NBAS: variants seen among roughly 807,000 people sequenced by gnomAD.
NBAS encodes NBAS subunit of NRZ tethering complex.
A neutral mutation model predicts 302.5 loss-of-function variants in NBAS; 219 were observed. The observed-to-expected ratio is 0.72, with a 90% CI of 0.65 to 0.81. The LOEUF is 0.81. Ranked by LOEUF, NBAS falls within the 30% of genes least tolerant of loss-of-function variation. The probability of loss-of-function intolerance (pLI) is 0.00; values close to 1 mark genes in which losing one functional copy is unlikely to be tolerated. For synonymous variants in NBAS, 1,118 were observed against 1,021.6 expected (o/e 1.09, Z -1.80); for missense variants, 2,932 against 2,841.6 (o/e 1.03, Z -0.72).
intron 44 of NBAS, among the ~76,000 whole-genome samples, chr2:15,268,003 A>G (rs1373130369): frequency 6.6e-6 from 1 of 152,212 alleles, no homozygotes; most frequent in East Asian, 1.9e-4. Flanking sequence ...ATGTACTATT[A>G]TAGTGCATAA....
the NBAS span, among the ~76,000 whole-genome samples, chr2:15,073,285 C>T: frequency 1.3e-5 from 2 of 151,922 alleles, no homozygotes; most frequent in Admixed American, 1.3e-4. Context: ...TTGAGACCAG[C>T]CTGGCCAACA....
intron 22 of NBAS, among the ~76,000 whole-genome samples, chr2:15,425,261 T>C (rs1338807096): frequency 2.0e-5 from 3 of 152,194 alleles, no homozygotes; most frequent in African/African-American, 7.2e-5. Flanking sequence ...TGGCAGTACA[T>C]GACTGGTGCT....
chr2:14,964,157 A>C, the NBAS span, among the ~76,000 whole-genome samples: 1 of 152,244 alleles, frequency 6.6e-6, no homozygotes, highest in Non-Finnish European at 1.5e-5. Flanking sequence ...GCTACCAGGC[A>C]TGCAAAGCAG....
the NBAS span, among the ~76,000 whole-genome samples, chr2:15,098,489 TATATA>T: frequency 8.5e-6 from 1 of 116,964 alleles, no homozygotes; most frequent in Non-Finnish European, 1.6e-5. Context: ...TTATATATTG[TATATA>T]ATATGTTATA....
intron 9 of NBAS, among the ~76,000 whole-genome samples, chr2:15,517,230 A>G (rs947933535): frequency 3.9e-5 from 6 of 152,192 alleles, no homozygotes; most frequent in Admixed American, 6.5e-5. Context: ...TTTGTTGTAC[A>G]GATTATTTCT....
intron 26 of NBAS, 88 bp from the exon 27 acceptor site, chr2:15,396,563 A>G: frequency 2.3e-6 from 2 of 881,538 alleles, no homozygotes; most frequent in Non-Finnish European, 3.5e-6. Context: ...AGTGAAAAAA[A>G]GATGTTTCTT....
At chr2:15,049,399 C>T in the NBAS span, among the ~76,000 whole-genome samples, 3 of 152,214 alleles carry the variant, frequency 2.0e-5, no homozygotes, top group Admixed American at 6.5e-5. Context: ...GGCTTGTGCC[C>T]ACCTCCTGCA....
the NBAS span, among the ~76,000 whole-genome samples, chr2:15,004,482 C>T: frequency 3.3e-5 from 5 of 152,062 alleles, no homozygotes; most frequent in Non-Finnish European, 7.4e-5. Context: ...TTATTACCTG[C>T]CAAACGGTGA....
chr2:15,299,295 G>C (rs1309311822), intron 40 of NBAS, among the ~76,000 whole-genome samples: 1 of 152,176 alleles, frequency 6.6e-6, no homozygotes, highest in African/African-American at 2.4e-5. Flanking sequence ...CAGTTCTTCA[G>C]GGAGGTGAAT....
At chr2:14,872,955 T>A in the NBAS span, among the ~76,000 whole-genome samples, 2 of 152,176 alleles carry the variant, frequency 1.3e-5, no homozygotes, top group African/African-American at 4.8e-5. Context: ...GTGTTGCAGC[T>A]CATACAGGCA....
intron 29 of NBAS, among the ~76,000 whole-genome samples, chr2:15,380,230 TTTTC>T (rs1222476331): frequency 6.6e-6 from 1 of 152,184 alleles, no homozygotes; most frequent in African/African-American, 2.4e-5. Context: ...ATTTCTGTTT[TTTTC>T]TTTTTCCTAA....
chr2:14,788,960 G>A, the NBAS span, among the ~76,000 whole-genome samples: 10 of 151,308 alleles, frequency 6.6e-5, no homozygotes, highest in East Asian at 1.9e-4. Context: ...GCAGGCAGGC[G>A]TCCTTGAGCT....
At chr2:14,858,506 TATGTCTCTTGA>T in the NBAS span, among the ~76,000 whole-genome samples, 1 of 152,070 alleles carries the variant, frequency 6.6e-6, no homozygotes, top group Admixed American at 6.5e-5. Flanking sequence ...CTGTCACTTT[TATGTCTCTTGA>T]ATGGAACTGG....
the NBAS span, among the ~76,000 whole-genome samples, chr2:15,134,462 TTCTC>T: frequency 2.0e-4 from 30 of 151,872 alleles, no homozygotes; most frequent in African/African-American, 7.3e-4. Context: ...CTCTCTCTCT[TTCTC>T]TCTCTGTCTC....
intron 36 of NBAS, among the ~76,000 whole-genome samples, chr2:15,329,282 G>A (rs145555758): frequency 6.6e-6 from 1 of 152,128 alleles, no homozygotes; most frequent in East Asian, 1.9e-4. Flanking sequence ...CTCACTAAAC[G>A]GCATCTTCAT....
chr2:15,491,807 T>C (rs546263760), intron 11 of NBAS, among the ~76,000 whole-genome samples: 2 of 152,292 alleles, frequency 1.3e-5, no homozygotes, highest in South Asian at 2.1e-4. Flanking sequence ...CATTTCCTTA[T>C]GAAAGCTCCC....
chr2:15,002,875 C>T, the NBAS span, among the ~76,000 whole-genome samples: 1 of 152,260 alleles, frequency 6.6e-6, no homozygotes, highest in South Asian at 2.1e-4. Flanking sequence ...CCAGCTGGCC[C>T]ACAAGCGCCA....
chr2:15,192,230 G>A (rs1381661744), intron 48 of NBAS, among the ~76,000 whole-genome samples: 1 of 146,842 alleles, frequency 6.8e-6, no homozygotes. Context: ...TGAAAGAAGA[G>A]GCTATTTTTT....
At chr2:15,065,751 A>G in the NBAS span, among the ~76,000 whole-genome samples, 1 of 152,124 alleles carries the variant, frequency 6.6e-6, no homozygotes, top group Non-Finnish European at 1.5e-5. Context: ...AAGTATACAA[A>G]TAAATGGAAA....
Sources: gnomAD v4.1 joint callset for allele counts (sites outside exome capture counted in the v4.1 genomes callset) on GRCh38, gnomAD v4.1.1 for gene constraint, MANE v1.5 for transcripts, NCBI Gene and HGNC (gene_info 2026-07-23, HGNC 2026-07-21) for gene names.